DNAH7: variants seen among roughly 807,000 people sequenced by gnomAD.
DNAH7 encodes the protein axonemal beta dynein heavy chain 7.
A neutral mutation model predicts 444.6 loss-of-function variants in DNAH7; 397 were observed. That is an observed-to-expected ratio of 0.89 (90% CI 0.82 to 0.97). The LOEUF is 0.97. Ranked by LOEUF, DNAH7 falls within the 50% of genes least tolerant of loss-of-function variation. The pLI is 0.00. For missense variants in DNAH7, 4,902 were observed against 4,800.8 expected (o/e 1.02, Z -0.62); for synonymous variants, 1,636 against 1,624.4 (o/e 1.01, Z -0.17).
At chr2:195,879,590 G>A (rs1701260243) in intron 36 of DNAH7, among the ~76,000 whole-genome samples, 3 of 152,098 alleles carry the variant, frequency 2.0e-5, no homozygotes, top group South Asian at 4.2e-4. Context: ...TAATACTACC[G>A]CAGATAAAAT....
At chr2:195,987,833 CAATA>C (rs1202509518) in intron 13 of DNAH7, 120 bp downstream of exon 13, 12 of 963,830 alleles carry the variant, frequency 1.2e-5, no homozygotes, top group Admixed American at 2.9e-5. Flanking sequence ...ATCAGAAGCT[CAATA>C]AATATTTTTC....
At chr2:195,803,529 A>C (rs1190950869) in intron 54 of DNAH7, among the ~76,000 whole-genome samples, 1 of 152,234 alleles carries the variant, frequency 6.6e-6, no homozygotes, top group African/African-American at 2.4e-5. Flanking sequence ...TTCAGTTTGC[A>C]AGGCAACAGA....
intron 5 of DNAH7, among the ~76,000 whole-genome samples, chr2:196,043,279 G>C (rs1340700840): frequency 1.3e-5 from 2 of 151,748 alleles, no homozygotes; most frequent in Admixed American, 1.3e-4. Context: ...AAAATAAAAT[G>C]TTCCCCCCAA....
At chr2:195,745,091 A>C (rs1693310818) in intron 63 of DNAH7, among the ~76,000 whole-genome samples, 1 of 152,206 alleles carries the variant, frequency 6.6e-6, no homozygotes, top group African/African-American at 2.4e-5. Context: ...AAAGGCAAAG[A>C]AGTTAAAAAC....
At chr2:195,860,941 C>T (rs1699981440) in intron 42 of DNAH7, among the ~76,000 whole-genome samples, 1 of 151,502 alleles carries the variant, frequency 6.6e-6, no homozygotes, top group Non-Finnish European at 1.5e-5. Context: ...GTACTTAAGG[C>T]TTACCATATG....
chr2:195,992,019 T>C (rs1051119330), intron 12 of DNAH7, among the ~76,000 whole-genome samples: 2 of 152,158 alleles, frequency 1.3e-5, no homozygotes, highest in Non-Finnish European at 2.9e-5. Flanking sequence ...AGCATTACCT[T>C]ACAAAAAGTT....
Position 195,988,041 on chromosome 2 carries a change from T to C in DNAH7, c.1542A>G (p.Ala514=), listed in dbSNP as rs778171019. ...KAERDVDNFL[A]ENHSYEKIID... is the part of the protein sequence containing the mutation. The stretch of plus-strand genomic sequence containing the variant: ...TTATTTTTTCATAACTATGATTTTC[T>C]GCGAGGAAGTTATCAACATCTCGCT... The change falls in exon 13 of 65, where the codon GCA becomes GCG. Residue 514 remains alanine (A), a synonymous_variant. Coordinates refer to ENST00000312428, the MANE Select transcript of DNAH7 (RefSeq NM_018897.3). 11 of 1,613,566 alleles carry C rather than the reference T, an allele frequency of 6.8e-6. No individual in the cohort carries two copies. The South Asian group carries it at 1.2e-4, about 18-fold the overall frequency.
chr2:195,947,243 G>A (rs1055127798), intron 19 of DNAH7, among the ~76,000 whole-genome samples: 12 of 151,420 alleles, frequency 7.9e-5, no homozygotes, highest in South Asian at 4.2e-4. Flanking sequence ...GTAATCCACC[G>A]CCTTGGCCTC....
chr2:195,768,425 T>C (rs1694686672), intron 61 of DNAH7, among the ~76,000 whole-genome samples: 3 of 151,944 alleles, frequency 2.0e-5, no homozygotes, highest in East Asian at 3.9e-4. Flanking sequence ...TCACTCTTAA[T>C]TGATGGGCAT....
chr2:195,878,578 G>A (rs763433686), intron 36 of DNAH7, among the ~76,000 whole-genome samples: 1 of 151,974 alleles, frequency 6.6e-6, no homozygotes, highest in Non-Finnish European at 1.5e-5. Flanking sequence ...CCAGCCTAGG[G>A]GACAGAGCAA....
At chr2:195,895,406 T>C (rs1702250736) in intron 29 of DNAH7, among the ~76,000 whole-genome samples, 182 bp from the exon 30 acceptor site, 1 of 152,196 alleles carries the variant, frequency 6.6e-6, no homozygotes, top group Admixed American at 6.5e-5. Flanking sequence ...TTTTAAATTG[T>C]GATCCTTATG....
chr2:195,753,688 ACT>A (rs1356575322), intron 63 of DNAH7, among the ~76,000 whole-genome samples: 1 of 152,226 alleles, frequency 6.6e-6, no homozygotes, highest in African/African-American at 2.4e-5. Flanking sequence ...TTAAAAAATA[ACT>A]CTTATTTAAA....
intron 34 of DNAH7, 88 bp from the exon 35 acceptor site, chr2:195,884,897 G>A: frequency 9.2e-7 from 1 of 1,085,074 alleles, no homozygotes; most frequent in Non-Finnish European, 1.3e-6. Flanking sequence ...AGCCAGATTA[G>A]TATCTCTGAA....
chr2:195,926,284 T>TA (rs1400579950), intron 22 of DNAH7, 142 bp downstream of exon 22: 3 of 742,454 alleles, frequency 4.0e-6, no homozygotes, highest in African/African-American at 3.7e-5. Flanking sequence ...AATTTTTATT[T>TA]AAAAAATCTG....
At chr2:196,022,376 T>G (rs973137238) in intron 8 of DNAH7, among the ~76,000 whole-genome samples, 3 of 152,214 alleles carry the variant, frequency 2.0e-5, no homozygotes, top group Non-Finnish European at 4.4e-5. Flanking sequence ...TGTACCCAAC[T>G]AGAACTTCTT....
chr2:195,880,334 T>C (rs1283971840), intron 36 of DNAH7, among the ~76,000 whole-genome samples: 1 of 148,880 alleles, frequency 6.7e-6, no homozygotes, highest in Non-Finnish European at 1.5e-5. Flanking sequence ...CTTTTTCTTT[T>C]TTTTTTTTTT....
At chr2:196,059,165 AT>A (rs139281072) in intron 1 of DNAH7, among the ~76,000 whole-genome samples, 8,548 of 150,328 alleles carry the variant, frequency 0.057, 381 homozygotes, top group African/African-American at 0.13. Context: ...TAAAACTTCA[AT>A]TTTTTTTTTC....
At chr2:195,928,462 A>C (rs1688482050) in intron 21 of DNAH7, among the ~76,000 whole-genome samples, 1 of 152,196 alleles carries the variant, frequency 6.6e-6, no homozygotes, top group South Asian at 2.1e-4. Flanking sequence ...AATGCTGCTA[A>C]AGAGTGGCCA....
chr2:195,928,215 G>T (rs1688465687), intron 21 of DNAH7, among the ~76,000 whole-genome samples: 2 of 152,010 alleles, frequency 1.3e-5, no homozygotes. Context: ...TAGGATTATG[G>T]ACTCCAGCTC....
Sources: gnomAD v4.1 joint callset for allele counts (sites outside exome capture counted in the v4.1 genomes callset) on GRCh38, gnomAD v4.1.1 for gene constraint, MANE v1.5 for transcripts, NCBI Gene and HGNC (gene_info 2026-07-23, HGNC 2026-07-21) for gene names.